Variants in CAST observed in about 807,000 individuals in gnomAD.
The protein encoded by CAST is calpastatin, also known as MIR583 host.
In CAST, 76 loss-of-function variants were observed where a neutral mutation model predicts 119.6. The ratio of observed to expected loss-of-function variants is 0.64; its 90% CI spans 0.53 to 0.77. The LOEUF (loss-of-function observed/expected upper bound fraction) is 0.77. CAST is among the 30% of genes least tolerant of loss of function. The pLI is 0.00. For synonymous variants in CAST, 319 were observed against 331.6 expected (o/e 0.96, Z 0.41); for missense variants, 953 against 946.5 (o/e 1.01, Z -0.09).
At chr5:96,695,029 C>T (rs530727100) in intron 2 of CAST, among the ~76,000 whole-genome samples, 1 of 152,120 alleles carries the variant, frequency 6.6e-6, no homozygotes, top group African/African-American at 2.4e-5. Context: ...ATGGCTCTCC[C>T]ATAACGTAAC....
chr5:96,338,513 T>A, the CAST span, among the ~76,000 whole-genome samples: 3 of 152,212 alleles, frequency 2.0e-5, no homozygotes, highest in Non-Finnish European at 4.4e-5. Context: ...TAGAAAGTAT[T>A]GAACTCTGAG....
chr5:96,328,348 AGCTT>A, the CAST span, among the ~76,000 whole-genome samples: 9 of 149,692 alleles, frequency 6.0e-5, no homozygotes, highest in Non-Finnish European at 1.3e-4. Flanking sequence ...CAATGAATTT[AGCTT>A]GCTTTTTTCT....
At chr5:96,710,144 C>T (rs1755811558) in intron 3 of CAST, among the ~76,000 whole-genome samples, 1 of 152,114 alleles carries the variant, frequency 6.6e-6, no homozygotes, top group African/African-American at 2.4e-5. Context: ...CCTAGGCTAG[C>T]AATATTAGCA....
the CAST span, among the ~76,000 whole-genome samples, chr5:96,312,610 T>C: frequency 6.6e-6 from 1 of 152,084 alleles, no homozygotes; most frequent in East Asian, 1.9e-4. Context: ...AACTACTTAG[T>C]GTTAGTAGTT....
chr5:96,728,993 G>A, intron 6 of CAST, 160 bp from the exon 7 acceptor site: 1 of 587,708 alleles, frequency 1.7e-6, no homozygotes, highest in East Asian at 3.0e-5. Context: ...GATACCACAT[G>A]TCTACTTCTG....
At chr5:96,259,128 G>A in the CAST span, among the ~76,000 whole-genome samples, 17 of 152,228 alleles carry the variant, frequency 1.1e-4, no homozygotes, top group African/African-American at 4.1e-4. Context: ...ATCTTTGGTC[G>A]ACACAGCTGT....
chr5:96,186,940 G>C, the CAST span, among the ~76,000 whole-genome samples: 2 of 152,072 alleles, frequency 1.3e-5, no homozygotes, highest in African/African-American at 4.8e-5. Flanking sequence ...GCTCTTATTT[G>C]TACATCCGGT....
intron 2 of CAST, among the ~76,000 whole-genome samples, chr5:96,684,843 T>C (rs1258606178): frequency 6.6e-6 from 1 of 152,158 alleles, no homozygotes. Flanking sequence ...GTGCTGGGAT[T>C]ACAGACATGA....
the CAST span, among the ~76,000 whole-genome samples, chr5:96,179,070 A>C: frequency 2.0e-5 from 3 of 151,996 alleles, no homozygotes; most frequent in Admixed American, 6.6e-5. Context: ...CAAGTTCTCA[A>C]ATTTCATCTT....
chr5:96,327,807 G>A, the CAST span, among the ~76,000 whole-genome samples: 1 of 152,194 alleles, frequency 6.6e-6, no homozygotes, highest in African/African-American at 2.4e-5. Flanking sequence ...AGTCCCTTAT[G>A]CACCAGCAGC....
the CAST span, among the ~76,000 whole-genome samples, chr5:96,208,829 T>G: frequency 1.3e-5 from 2 of 152,168 alleles, no homozygotes; most frequent in Admixed American, 6.6e-5. Flanking sequence ...TGTAGATATC[T>G]GTTAGGTCTA....
At chr5:96,019,974 T>C in the CAST span, among the ~76,000 whole-genome samples, 1 of 152,212 alleles carries the variant, frequency 6.6e-6, no homozygotes, top group African/African-American at 2.4e-5. Context: ...ATGCTTTTTA[T>C]AAAAATATGG....
At chr5:96,364,444 G>A in the CAST span, among the ~76,000 whole-genome samples, 17 of 152,252 alleles carry the variant, frequency 1.1e-4, no homozygotes, top group South Asian at 6.2e-4. Context: ...CTGTGAATCC[G>A]TCTGGTCCTG....
At chr5:96,086,017 A>G in the CAST span, among the ~76,000 whole-genome samples, 1 of 152,184 alleles carries the variant, frequency 6.6e-6, no homozygotes, top group Non-Finnish European at 1.5e-5. Context: ...TCCAAAATCC[A>G]TGAATGCTCA....
rs151078113 is a variant in CAST, at chr5:96,625,835, G to A, written c.61-49704G>A. Among the ~76,000 whole-genome samples the A allele has an allele frequency of 4.1e-3, 622 of 152,140 alleles. 3 individuals are homozygous for A. Among genetic ancestry groups the A allele is most frequent in the African/African-American group, 0.014 (599 of 41,494 alleles). Reference sequence around the variant, plus strand: ...CTTTTCCTGTCTGCTGCCTGTCACCGGCTGAGCATGGTGAAGGTAGCAGTG... The same window carrying A: ...CTTTTCCTGTCTGCTGCCTGTCACCAGCTGAGCATGGTGAAGGTAGCAGTG... On this transcript the variant is annotated intron_variant, in intron 1 of 11. Coordinates refer to the CAST transcript ENST00000505143.
At chr5:96,429,078 A>G in the CAST span, 1 of 615,004 alleles carries the variant, frequency 1.6e-6, no homozygotes, top group Non-Finnish European at 2.9e-6. Flanking sequence ...AAGAAATTAG[A>G]AATAATACAG....
chr5:96,167,537 C>T, the CAST span, among the ~76,000 whole-genome samples: 4 of 152,188 alleles, frequency 2.6e-5, no homozygotes, highest in African/African-American at 4.8e-5. Context: ...AAGTATTGTC[C>T]AGTCCTCTTT....
chr5:96,070,213 C>T, the CAST span, among the ~76,000 whole-genome samples: 1 of 152,144 alleles, frequency 6.6e-6, no homozygotes, highest in Non-Finnish European at 1.5e-5. Context: ...AGTAATTATT[C>T]CTTCCTCTCC....
rs141357997 is a variant in CAST, at chr5:96,724,248, A to T, written c.270+1550A>T. 1.5e-3 allele frequency among the ~76,000 whole-genome samples: 233 copies of T among 151,996 alleles called. 7 individuals carry two copies. The East Asian group carries it at 0.042, about 27-fold the overall frequency. On this transcript the variant is annotated intron_variant, in intron 4 of 31. Coordinates refer to ENST00000675179, the MANE Select transcript of CAST (RefSeq NM_001750.7). ...CCAGGCTGGATGTAGTGGCATGATC[A>T]CAGCTTGCTGCCACCTTGACCTCCT...
Sources: gnomAD v4.1 joint callset for allele counts (sites outside exome capture counted in the v4.1 genomes callset) on GRCh38, gnomAD v4.1.1 for gene constraint, MANE v1.5 for transcripts, NCBI Gene and HGNC (gene_info 2026-07-23, HGNC 2026-07-21) for gene names.